CAMTA1: variants seen among roughly 807,000 people sequenced by gnomAD.
The protein encoded by CAMTA1 is calmodulin-binding transcription activator 1.
A neutral mutation model predicts 170.9 loss-of-function variants in CAMTA1; 27 were observed. That is an observed-to-expected ratio of 0.16 (90% CI 0.12 to 0.22). The LOEUF is 0.22. Ranked by LOEUF, CAMTA1 falls within the 10% of genes least tolerant of loss-of-function variation. CAMTA1 has a pLI of 1.00. For synonymous variants in CAMTA1, 833 were observed against 891.5 expected (o/e 0.93, Z 1.17); for missense variants, 1,619 against 2,217.2 (o/e 0.73, Z 5.42).
rs989329434 is a variant in CAMTA1 at position 7,642,335 on chromosome 1, G to C, written c.664+1782G>C. On this transcript the variant is annotated intron_variant, in intron 7 of 22. Coordinates refer to ENST00000303635, the MANE Select transcript of CAMTA1 (RefSeq NM_015215.4). This position sits in a 1 kb window ranked among gnomAD's most constrained non-coding sequence, Gnocchi z 6.3. ...CCTGGAAATAGCCCTGGAATGGTGG[G>C]GGGGAAGGGACCTGCCCAGGGTCCT... 5.3e-5 allele frequency among the ~76,000 whole-genome samples: 8 copies of C among 152,208 alleles called. No homozygotes were observed. The highest frequency in any genetic ancestry group is 4.1e-4 in the South Asian group (2 of 4,836).
At chr1:7,712,977 C>T (rs2096582522) in intron 11 of CAMTA1, among the ~76,000 whole-genome samples, 1 of 152,214 alleles carries the variant, frequency 6.6e-6, no homozygotes, top group African/African-American at 2.4e-5. Context: ...TCAGTTACCT[C>T]CGACTGGGTC....
chr1:7,694,121 C>A (rs1046272488), intron 11 of CAMTA1: 1 of 152,252 alleles, frequency 6.6e-6, no homozygotes, highest in African/African-American at 2.4e-5. Flanking sequence ...TGCCATCTTC[C>A]CACTCCTCTG....
At chr1:7,607,595 G>A (rs2095496526) in intron 6 of CAMTA1, among the ~76,000 whole-genome samples, 1 of 152,060 alleles carries the variant, frequency 6.6e-6, no homozygotes, top group African/African-American at 2.4e-5. Flanking sequence ...TAGATGTGTG[G>A]ATAGGTGGAT....
intron 4 of CAMTA1, among the ~76,000 whole-genome samples, chr1:7,176,238 C>T (rs1426512503): frequency 6.6e-6 from 1 of 152,212 alleles, no homozygotes; most frequent in Non-Finnish European, 1.5e-5. Flanking sequence ...GTGAGATGCA[C>T]TTGTCACTGC....
chr1:6,897,630 C>T (rs1170872563), intron 3 of CAMTA1, among the ~76,000 whole-genome samples: 1 of 152,048 alleles, frequency 6.6e-6, no homozygotes, highest in East Asian at 1.9e-4. Context: ...AGTGTCTTTC[C>T]CACAGAGATT....
intron 4 of CAMTA1, among the ~76,000 whole-genome samples, chr1:7,221,486 A>G (rs1479056218): frequency 6.6e-6 from 1 of 152,166 alleles, no homozygotes; most frequent in Non-Finnish European, 1.5e-5. Flanking sequence ...TCCCTCCAGA[A>G]TCAGACCTGT....
intron 3 of CAMTA1, among the ~76,000 whole-genome samples, chr1:7,009,679 A>G (rs1189072596): frequency 2.0e-5 from 3 of 152,208 alleles, no homozygotes. Context: ...TCTGTCCCCC[A>G]GAGCCCCGGT....
At chr1:7,242,671 G>C (rs1665067829) in intron 4 of CAMTA1, among the ~76,000 whole-genome samples, 1 of 152,094 alleles carries the variant, frequency 6.6e-6, no homozygotes, top group Non-Finnish European at 1.5e-5. Flanking sequence ...GCTCACGCCT[G>C]TAATCCCAGC....
intron 3 of CAMTA1, among the ~76,000 whole-genome samples, chr1:7,078,483 G>A (rs138973848): frequency 6.6e-6 from 1 of 152,246 alleles, no homozygotes; most frequent in East Asian, 1.9e-4. Context: ...ACGGGCTTAC[G>A]ATAGCCTGTC....
At chr1:6,791,291 G>C (rs35316645) in intron 1 of CAMTA1, among the ~76,000 whole-genome samples, 6,197 of 152,120 alleles carry the variant, frequency 0.041, 150 homozygotes, top group Middle Eastern at 0.082. Flanking sequence ...TTAGTAAGAA[G>C]GGGATGCCCA....
intron 6 of CAMTA1, among the ~76,000 whole-genome samples, chr1:7,542,226 C>T (rs777708025): frequency 6.6e-6 from 1 of 151,896 alleles, no homozygotes; most frequent in Non-Finnish European, 1.5e-5. Context: ...CCAAAAATAA[C>T]CTCTGTTTAC....
chr1:7,339,659 G>A (rs946780780), intron 5 of CAMTA1, among the ~76,000 whole-genome samples: 1 of 152,188 alleles, frequency 6.6e-6, no homozygotes, highest in Non-Finnish European at 1.5e-5. Flanking sequence ...CTGGAGTGCA[G>A]TGGCGCAATC....
At chr1:7,278,841 A>G (rs1671105471) in intron 5 of CAMTA1, among the ~76,000 whole-genome samples, 1 of 152,210 alleles carries the variant, frequency 6.6e-6, no homozygotes, top group Admixed American at 6.5e-5. Flanking sequence ...CAATTGTATG[A>G]AAAAACTGTG....
intron 4 of CAMTA1, among the ~76,000 whole-genome samples, chr1:7,114,121 G>T (rs567219368): frequency 6.6e-6 from 1 of 152,178 alleles, no homozygotes; most frequent in African/African-American, 2.4e-5. Flanking sequence ...GTCCTCTTCT[G>T]TTGATTCTGC....
intron 3 of CAMTA1, among the ~76,000 whole-genome samples, chr1:7,047,171 C>A (rs10746465): frequency 0.3 from 45,923 of 152,056 alleles, 7,067 homozygotes; most frequent in Admixed American, 0.33. Context: ...TCTCCTCCCC[C>A]ACAACATGCA....
chr1:7,015,736 C>T (rs1326789126), intron 3 of CAMTA1, among the ~76,000 whole-genome samples: 1 of 152,148 alleles, frequency 6.6e-6, no homozygotes, highest in Admixed American at 6.5e-5. Context: ...CACATTTCTG[C>T]AGGCTGTACA....
chr1:7,540,376 A>G (rs1173309792), intron 6 of CAMTA1, among the ~76,000 whole-genome samples: 2 of 152,044 alleles, frequency 1.3e-5, no homozygotes, highest in African/African-American at 4.8e-5. Flanking sequence ...TTACCAGGAG[A>G]GAACCCTAAC....
intron 5 of CAMTA1, among the ~76,000 whole-genome samples, chr1:7,385,480 A>G (rs1030743906): frequency 3.9e-5 from 6 of 152,134 alleles, no homozygotes; most frequent in Non-Finnish European, 5.9e-5. Context: ...CTGGGCACTT[A>G]CATTTCCAAA....
intron 5 of CAMTA1, among the ~76,000 whole-genome samples, chr1:7,467,392 T>G (rs1207809049): frequency 6.6e-6 from 1 of 152,044 alleles, no homozygotes; most frequent in Admixed American, 6.5e-5. Context: ...CCAGGAAAGG[T>G]CTGTAGCATG....
Sources: allele counts gnomAD v4.1 joint callset (sites outside exome capture counted in the v4.1 genomes callset), GRCh38; gene constraint gnomAD v4.1.1; non-coding constraint Gnocchi (gnomAD v3.1); transcripts MANE v1.5; gene names NCBI Gene and HGNC (gene_info 2026-07-23, HGNC 2026-07-21).